The following NEK11 variants were observed in gnomAD, a reference collection of about 807,000 sequenced individuals.
The protein encoded by NEK11 is NIMA related kinase 11, also known as serine/threonine-protein kinase Nek11.
Under a neutral mutation model 80.7 loss-of-function variants are expected in NEK11, and 72 were observed. The ratio of observed to expected loss-of-function variants is 0.89; its 90% CI spans 0.74 to 1.08. NEK11 has a LOEUF of 1.08. Ranked by LOEUF, NEK11 falls within the 50% of genes least tolerant of loss-of-function variation. The pLI is 0.00. For missense variants in NEK11, 764 were observed against 763.6 expected (o/e 1.00, Z -0.01); for synonymous variants, 251 against 260.7 (o/e 0.96, Z 0.36).
At chr3:131,153,437 A>T (rs2090056011) in intron 9 of NEK11, among the ~76,000 whole-genome samples, 1 of 152,206 alleles carries the variant, frequency 6.6e-6, no homozygotes, top group Non-Finnish European at 1.5e-5. Flanking sequence ...AGGAAATTTG[A>T]CATAGAGGCT....
Position 131,080,494 on chromosome 3 carries a change from A to G in NEK11, c.242A>G (p.Gln81Arg). 1 of 1,614,106 alleles carries G rather than the reference A, an allele frequency of 6.2e-7. No homozygotes were observed. Among genetic ancestry groups the G allele is most frequent in the East Asian group, 2.2e-5 (1 of 44,876 alleles). ...NETVQANLEAQLLSKLDHPAI... is the reference protein window; with the variant it reads ...NETVQANLEARLLSKLDHPAI... ...ACTGTACAGGCCAATTTGGAAGCCCAACTCCTCTCCAAGCTGGACCACCCA... is the reference window on the plus strand; with the variant it reads ...ACTGTACAGGCCAATTTGGAAGCCCGACTCCTCTCCAAGCTGGACCACCCA... Residue 81 changes from glutamine to arginine, a missense_variant, in exon 4 of 18, where the codon CAA becomes CGA. Gln to Arg is a conservative substitution (Grantham distance 43). Coordinates refer to ENST00000383366, the MANE Select transcript of NEK11 (RefSeq NM_024800.5).
intron 15 of NEK11, among the ~76,000 whole-genome samples, chr3:131,239,069 C>T (rs951679289): frequency 6.6e-6 from 1 of 151,636 alleles, no homozygotes; most frequent in African/African-American, 2.4e-5. Flanking sequence ...AGTGCCTGGC[C>T]ACAGCTTCAA....
intron 1 of NEK11, chr3:131,027,299 G>T (rs2064012130): frequency 6.6e-6 from 1 of 152,006 alleles, no homozygotes; most frequent in Non-Finnish European, 1.5e-5. Context: ...GCAGAAACTG[G>T]TGACAAATTG....
intron 14 of NEK11, among the ~76,000 whole-genome samples, chr3:131,217,074 C>T (rs757154307): frequency 4.6e-4 from 70 of 152,126 alleles, no homozygotes; most frequent in Non-Finnish European, 7.8e-4. Context: ...CTGCTGTCAC[C>T]GGGAACTAGG....
chr3:131,165,599 G>A, intron 12 of NEK11, 80 bp downstream of exon 12: 3 of 819,186 alleles, frequency 3.7e-6, no homozygotes, highest in Admixed American at 2.3e-5. Context: ...TAGGAAAAGG[G>A]ACAAGGGAGA....
At chr3:131,335,594 C>G (rs139749231) in intron 17 of NEK11, among the ~76,000 whole-genome samples, 2,534 of 152,214 alleles carry the variant, frequency 0.017, 71 homozygotes, top group African/African-American at 0.057. Context: ...TCCTATTCAA[C>G]ATAGTGTTGG....
intron 16 of NEK11, among the ~76,000 whole-genome samples, chr3:131,272,394 A>ATAC (rs1305768112): frequency 6.7e-6 from 1 of 149,490 alleles, no homozygotes; most frequent in African/African-American, 2.5e-5. Flanking sequence ...AAAGAGCAGC[A>ATAC]TAGGGCCAAA....
At chr3:131,034,703 A>G (rs1385596624) in intron 3 of NEK11, among the ~76,000 whole-genome samples, 1 of 152,130 alleles carries the variant, frequency 6.6e-6, no homozygotes, top group Non-Finnish European at 1.5e-5. Flanking sequence ...TAAATATTAG[A>G]CCTTTGCTTT....
chr3:131,162,324 A>C, intron 10 of NEK11, 84 bp from the exon 11 acceptor site: 1 of 1,522,220 alleles, frequency 6.6e-7, no homozygotes, highest in Non-Finnish European at 8.9e-7. Flanking sequence ...TCAGTAGTGT[A>C]GTGATACTTT....
intron 17 of NEK11, among the ~76,000 whole-genome samples, chr3:131,337,496 A>G (rs1225091470): frequency 6.6e-6 from 1 of 151,780 alleles, no homozygotes; most frequent in African/African-American, 2.4e-5. Context: ...GGATAGCATT[A>G]GGAGCTATAC....
intron 17 of NEK11, among the ~76,000 whole-genome samples, chr3:131,313,238 G>A (rs2109468862): frequency 6.6e-6 from 1 of 152,240 alleles, no homozygotes; most frequent in African/African-American, 2.4e-5. Context: ...CAGCATTGAG[G>A]TTGATTCCAT....
At chr3:131,224,282 C>T (rs945587452) in intron 14 of NEK11, among the ~76,000 whole-genome samples, 2 of 151,996 alleles carry the variant, frequency 1.3e-5, no homozygotes, top group Non-Finnish European at 2.9e-5. Context: ...GTCTGGAGTG[C>T]AGTGGCACGA....
chr3:131,209,112 A>T (rs2094532423), intron 14 of NEK11, among the ~76,000 whole-genome samples: 1 of 152,140 alleles, frequency 6.6e-6, no homozygotes, highest in South Asian at 2.1e-4. Flanking sequence ...TGTCATAAAT[A>T]GCTCTTATTA....
At chr3:131,255,079 G>GACA (rs1553966478) in intron 16 of NEK11, among the ~76,000 whole-genome samples, 247 of 119,250 alleles carry the variant, frequency 2.1e-3, no homozygotes, top group East Asian at 0.01. Context: ...ACAGAAAGAA[G>GACA]GAAAGAAAGA....
chr3:131,303,006 G>A (rs2109230918), intron 17 of NEK11, among the ~76,000 whole-genome samples: 1 of 151,860 alleles, frequency 6.6e-6, no homozygotes, highest in Non-Finnish European at 1.5e-5. Context: ...TCAGAACATG[G>A]TGCTTCTGTG....
chr3:131,132,718 G>T, intron 5 of NEK11, 27 bp from the exon 6 acceptor site: 1 of 1,265,380 alleles, frequency 7.9e-7, no homozygotes, highest in Non-Finnish European at 1.1e-6. Context: ...TCTGCATGAA[G>T]TTGTATATCT....
At chr3:131,278,841 T>C (rs2096348115) in intron 17 of NEK11, among the ~76,000 whole-genome samples, 1 of 152,012 alleles carries the variant, frequency 6.6e-6, no homozygotes, top group Admixed American at 6.6e-5. Flanking sequence ...TAGAGTGTGG[T>C]CCCTGACCTG....
At chr3:131,068,506 T>C (rs1229463098) in intron 3 of NEK11, among the ~76,000 whole-genome samples, 2 of 152,220 alleles carry the variant, frequency 1.3e-5, no homozygotes, top group African/African-American at 4.8e-5. Flanking sequence ...GATTCCAGAA[T>C]CTCTAGAAAC....
At chr3:131,134,011 T>C in intron 7 of NEK11, 55 bp downstream of exon 7, 1 of 1,480,060 alleles carries the variant, frequency 6.8e-7, no homozygotes, top group Non-Finnish European at 9.0e-7. Context: ...GAATGGTACA[T>C]TTTGTCTTTC....
Sources: allele counts gnomAD v4.1 joint callset (sites outside exome capture counted in the v4.1 genomes callset), GRCh38; gene constraint gnomAD v4.1.1; transcripts MANE v1.5; gene names NCBI Gene and HGNC (gene_info 2026-07-23, HGNC 2026-07-21).